LDB2: variants seen among roughly 807,000 people sequenced by gnomAD.
LDB2 encodes LIM domain binding 2.
LDB2 carries 12 observed loss-of-function variants against 44.3 expected under a neutral mutation model. The observed-to-expected ratio is 0.27, with a 90% confidence interval of 0.17 to 0.44. The LOEUF (loss-of-function observed/expected upper bound fraction) is 0.44, where lower values mean the gene tolerates loss of function less well. Among genes scored for constraint, LDB2 ranks in the 20% least tolerant of loss-of-function variants. The pLI, the probability that LDB2 is intolerant of heterozygous loss-of-function variation, is 1.00. For missense variants in LDB2, 344 were observed against 473.5 expected (o/e 0.73, Z 2.54); for synonymous variants, 164 against 174.8 (o/e 0.94, Z 0.49).
At chr4:16,649,592 A>G (rs1230806295) in intron 2 of LDB2, among the ~76,000 whole-genome samples, 1 of 152,230 alleles carries the variant, frequency 6.6e-6, no homozygotes, top group Non-Finnish European at 1.5e-5. Context: ...CCGCAGATCC[A>G]GACTGCTTAG....
intron 5 of LDB2, among the ~76,000 whole-genome samples, chr4:16,534,619 TATC>T (rs1731167695): frequency 6.6e-6 from 1 of 152,222 alleles, no homozygotes; most frequent in Admixed American, 6.5e-5. Context: ...CACTATGTAT[TATC>T]ATTTAAAAAA....
chr4:16,740,708 C>T (rs187452382), intron 2 of LDB2, among the ~76,000 whole-genome samples: 13 of 152,312 alleles, frequency 8.5e-5, no homozygotes, highest in East Asian at 1.9e-4. Flanking sequence ...TATGAATATA[C>T]ATTTTTCTTC....
At chr4:16,620,384 A>C (rs184572678) in intron 2 of LDB2, among the ~76,000 whole-genome samples, 15 of 152,340 alleles carry the variant, frequency 9.8e-5, no homozygotes, top group Non-Finnish European at 1.8e-4. Context: ...GACTCCTTAG[A>C]GTCTTAGATG....
chr4:16,691,119 A>G (rs1401748123), intron 2 of LDB2, among the ~76,000 whole-genome samples: 1 of 152,184 alleles, frequency 6.6e-6, no homozygotes, highest in Non-Finnish European at 1.5e-5. Context: ...ATGATGAGAT[A>G]CATTAGATAG....
At chr4:16,553,804 A>G (rs980514453) in intron 5 of LDB2, among the ~76,000 whole-genome samples, 7 of 152,146 alleles carry the variant, frequency 4.6e-5, no homozygotes, top group Non-Finnish European at 8.8e-5. Context: ...CCTCATAACA[A>G]GATAGGTACC....
chr4:16,601,133 C>T (rs10939673), intron 2 of LDB2, among the ~76,000 whole-genome samples: 57,133 of 151,854 alleles, frequency 0.38, 11,155 homozygotes, highest in East Asian at 0.57. Context: ...CCTGGTGAGG[C>T]TGTGGTAAAA....
At chr4:16,548,341 A>T (rs1202817773) in intron 5 of LDB2, among the ~76,000 whole-genome samples, 2 of 152,082 alleles carry the variant, frequency 1.3e-5, no homozygotes, top group Non-Finnish European at 2.9e-5. Flanking sequence ...AAGGCTTCTG[A>T]TCCCAAATCT....
intron 1 of LDB2, among the ~76,000 whole-genome samples, chr4:16,890,778 A>G (rs956166179): frequency 2.0e-5 from 3 of 152,136 alleles, no homozygotes; most frequent in African/African-American, 7.2e-5. Context: ...GAGGAGATCT[A>G]TCTTATCTTC....
chr4:16,543,154 C>T (rs1486491371), intron 5 of LDB2, among the ~76,000 whole-genome samples: 1 of 152,006 alleles, frequency 6.6e-6, no homozygotes, highest in African/African-American at 2.4e-5. Context: ...TGCCACATTT[C>T]CTTAATCCAG....
chr4:16,529,964 T>C (rs1230584637), intron 5 of LDB2, among the ~76,000 whole-genome samples: 1 of 152,158 alleles, frequency 6.6e-6, no homozygotes, highest in Non-Finnish European at 1.5e-5. Context: ...AGCATATTCA[T>C]TGGAAATGGC....
intron 1 of LDB2, among the ~76,000 whole-genome samples, chr4:16,763,821 A>C (rs1768550201): frequency 6.6e-6 from 1 of 152,144 alleles, no homozygotes; most frequent in South Asian, 2.1e-4. Flanking sequence ...TCTGCCTCTT[A>C]ATAGCTGGAT....
chr4:16,635,790 C>T (rs1733429577), intron 2 of LDB2, among the ~76,000 whole-genome samples: 1 of 152,188 alleles, frequency 6.6e-6, no homozygotes, highest in Non-Finnish European at 1.5e-5. Context: ...TGTGCTGTTT[C>T]TAATCTTCTA....
chr4:16,684,684 A>G (rs2152571844), intron 2 of LDB2, among the ~76,000 whole-genome samples: 1 of 152,202 alleles, frequency 6.6e-6, no homozygotes, highest in East Asian at 1.9e-4. Flanking sequence ...CAGTAGAAAC[A>G]TTTGGACCTT....
At chr4:16,642,494 C>T (rs914391195) in intron 2 of LDB2, among the ~76,000 whole-genome samples, 5 of 151,850 alleles carry the variant, frequency 3.3e-5, no homozygotes, top group East Asian at 1.9e-4. Flanking sequence ...GATCAAATAC[C>T]AGAAGGAGAT....
At chr4:16,847,002 T>C (rs1787146670) in intron 1 of LDB2, among the ~76,000 whole-genome samples, 1 of 152,204 alleles carries the variant, frequency 6.6e-6, no homozygotes, top group South Asian at 2.1e-4. Context: ...CTCCACTCTA[T>C]TTTAATTTCT....
intron 1 of LDB2, among the ~76,000 whole-genome samples, chr4:16,854,504 T>TATAC (rs1554050175): frequency 6.9e-6 from 1 of 145,214 alleles, no homozygotes; most frequent in African/African-American, 2.6e-5. Context: ...TAAATATAAA[T>TATAC]ACACACACAC....
chr4:16,646,539 T>A (rs950813624), intron 2 of LDB2, among the ~76,000 whole-genome samples: 1 of 152,328 alleles, frequency 6.6e-6, no homozygotes, highest in South Asian at 2.1e-4. Context: ...CTCTTGCACA[T>A]CTGCCATAAG....
intron 2 of LDB2, among the ~76,000 whole-genome samples, chr4:16,744,892 G>A (rs531102705): frequency 1.3e-5 from 2 of 152,316 alleles, no homozygotes; most frequent in South Asian, 2.1e-4. Flanking sequence ...TTTGTTAGCT[G>A]TACATATAAA....
chr4:16,799,219 C>G (rs527312716), intron 1 of LDB2, among the ~76,000 whole-genome samples: 2 of 152,306 alleles, frequency 1.3e-5, no homozygotes, highest in East Asian at 3.9e-4. Context: ...GCAAAGCTCT[C>G]CAACATGAAT....
Sources: allele counts gnomAD v4.1 joint callset (sites outside exome capture counted in the v4.1 genomes callset), GRCh38; gene constraint gnomAD v4.1.1; transcripts MANE v1.5; gene names NCBI Gene and HGNC (gene_info 2026-07-23, HGNC 2026-07-21).